UNC13C: variants seen among roughly 807,000 people sequenced by gnomAD.
The protein encoded by UNC13C is protein unc-13 homolog C.
UNC13C carries 174 observed loss-of-function variants against 245.4 expected under a neutral mutation model. The ratio of observed to expected loss-of-function variants is 0.71; its 90% CI spans 0.63 to 0.80. UNC13C has a LOEUF of 0.80. Ranked by LOEUF, UNC13C falls within the 30% of genes least tolerant of loss-of-function variation. The probability of loss-of-function intolerance (pLI) is 0.00; values close to 1 mark genes in which losing one functional copy is unlikely to be tolerated. For synonymous variants in UNC13C, 992 were observed against 895.1 expected, an observed-to-expected ratio of 1.11 and a Z score of -1.93; for missense variants, 2,829 against 2,602.9, an observed-to-expected ratio of 1.09 and a Z score of -1.89.
At chr15:54,012,194 G>T (rs1455322112) in intron 1 of UNC13C, among the ~76,000 whole-genome samples, 1 of 151,994 alleles carries the variant, frequency 6.6e-6, no homozygotes, top group African/African-American at 2.4e-5. Flanking sequence ...ATCAAAAGAG[G>T]TTATATATAT....
At chr15:54,192,798 T>C (rs1467355989) in intron 4 of UNC13C, among the ~76,000 whole-genome samples, 2 of 152,090 alleles carry the variant, frequency 1.3e-5, no homozygotes, top group Non-Finnish European at 2.9e-5. Context: ...CAGTCCTTTC[T>C]CATATATTGT....
chr15:53,925,004 G>T, the UNC13C span, among the ~76,000 whole-genome samples: 1 of 152,158 alleles, frequency 6.6e-6, no homozygotes, highest in East Asian at 1.9e-4. Flanking sequence ...ATAGAAAATT[G>T]TGCTTTCACA....
At chr15:53,904,858 G>A in the UNC13C span, among the ~76,000 whole-genome samples, 1 of 152,120 alleles carries the variant, frequency 6.6e-6, no homozygotes, top group East Asian at 1.9e-4. Context: ...TTATTCATCT[G>A]AAGAATAGTT....
chr15:54,559,495 A>G (rs986564931), intron 29 of UNC13C, among the ~76,000 whole-genome samples: 1 of 152,038 alleles, frequency 6.6e-6, no homozygotes, highest in Non-Finnish European at 1.5e-5. Context: ...GAGGATTGCA[A>G]TTCAAATATC....
intron 19 of UNC13C, 129 bp from the exon 20 acceptor site, chr15:54,494,479 T>C: frequency 1.2e-6 from 1 of 865,202 alleles, no homozygotes; most frequent in Non-Finnish European, 1.6e-6. Flanking sequence ...TTTTAGCAAT[T>C]CATTATACCT....
intron 4 of UNC13C, among the ~76,000 whole-genome samples, chr15:54,193,151 T>G (rs929135440): frequency 5.3e-5 from 8 of 152,158 alleles, no homozygotes; most frequent in African/African-American, 1.9e-4. Context: ...CTAAGTGAGA[T>G]GATATTTACT....
At chr15:54,626,564 G>A (rs183183977) in intron 32 of UNC13C, among the ~76,000 whole-genome samples, 102 of 152,130 alleles carry the variant, frequency 6.7e-4, no homozygotes, top group African/African-American at 2.2e-3. Flanking sequence ...CACCGCACCC[G>A]CAATCAGGAG....
chr15:54,012,408 T>C (rs1463803971), intron 1 of UNC13C, among the ~76,000 whole-genome samples: 3 of 152,188 alleles, frequency 2.0e-5, no homozygotes, highest in African/African-American at 7.2e-5. Context: ...CTTTTATTAC[T>C]ATTTCAGTTG....
At chr15:54,263,827 G>A (rs960686023) in intron 8 of UNC13C, among the ~76,000 whole-genome samples, 2 of 152,032 alleles carry the variant, frequency 1.3e-5, no homozygotes, top group African/African-American at 4.8e-5. Context: ...AATATGTGTG[G>A]TATGTAACAC....
chr15:54,456,753 G>A (rs533098691), intron 19 of UNC13C, among the ~76,000 whole-genome samples: 118 of 151,946 alleles, frequency 7.8e-4, no homozygotes, highest in African/African-American at 2.1e-3. Flanking sequence ...TACTCAATTC[G>A]TTTATCAGAT....
intron 4 of UNC13C, among the ~76,000 whole-genome samples, chr15:54,213,524 G>C (rs1355732448): frequency 6.6e-6 from 1 of 152,082 alleles, no homozygotes; most frequent in African/African-American, 2.4e-5. Context: ...GGAACATGCA[G>C]TTAAGTCTTG....
chr15:54,015,931 C>G (rs1392722663), intron 2 of UNC13C, 45 bp downstream of exon 2: 33 of 1,434,316 alleles, frequency 2.3e-5, no homozygotes, highest in Non-Finnish European at 3.1e-5. Flanking sequence ...TGTGTTTTAA[C>G]ATTGGGTAGC....
At chr15:54,114,616 A>G (rs955731153) in intron 2 of UNC13C, among the ~76,000 whole-genome samples, 1 of 152,056 alleles carries the variant, frequency 6.6e-6, no homozygotes, top group Non-Finnish European at 1.5e-5. Flanking sequence ...ATACCACATC[A>G]TATTTTTTTT....
chr15:54,465,146 A>G (rs1208634757), intron 19 of UNC13C, among the ~76,000 whole-genome samples: 3 of 152,064 alleles, frequency 2.0e-5, no homozygotes, highest in Non-Finnish European at 4.4e-5. Context: ...AATGAATAAA[A>G]CTAAAAGGAA....
chr15:54,559,659 AT>A (rs1394028865), intron 29 of UNC13C, among the ~76,000 whole-genome samples: 1 of 151,938 alleles, frequency 6.6e-6, no homozygotes, highest in Non-Finnish European at 1.5e-5. Context: ...AGGGTGATGA[AT>A]TTTCTCTGAA....
intron 2 of UNC13C, among the ~76,000 whole-genome samples, chr15:54,024,680 A>G (rs968997056): frequency 6.6e-6 from 1 of 152,096 alleles, no homozygotes; most frequent in African/African-American, 2.4e-5. Context: ...GCACTTTGGG[A>G]GGCCGAGGCG....
chr15:53,918,127 G>A, the UNC13C span, among the ~76,000 whole-genome samples: 1 of 152,124 alleles, frequency 6.6e-6, no homozygotes, highest in Non-Finnish European at 1.5e-5. Flanking sequence ...TTTTGTTTTC[G>A]TGAGAATGAT....
intron 19 of UNC13C, among the ~76,000 whole-genome samples, chr15:54,452,900 A>G (rs572653442): frequency 6.8e-4 from 104 of 152,316 alleles, no homozygotes; most frequent in African/African-American, 2.3e-3. Context: ...CCAGTGGCTC[A>G]CATTTAGCCC....
chr15:54,440,847 C>G (rs1239485087), intron 19 of UNC13C, among the ~76,000 whole-genome samples: 1 of 151,970 alleles, frequency 6.6e-6, no homozygotes, highest in African/African-American at 2.4e-5. Flanking sequence ...TTAATAATAG[C>G]TATTCTAACT....
Sources: allele counts gnomAD v4.1 joint callset (sites outside exome capture counted in the v4.1 genomes callset), GRCh38; gene constraint gnomAD v4.1.1; transcripts MANE v1.5; gene names NCBI Gene and HGNC (gene_info 2026-07-23, HGNC 2026-07-21).